The following DPP6 variants were observed in gnomAD, a reference collection of about 807,000 sequenced individuals.
DPP6 encodes dipeptidyl peptidase like 6.
A neutral mutation model predicts 122.6 loss-of-function variants in DPP6; 69 were observed. The ratio of observed to expected loss-of-function variants is 0.56; its 90% CI spans 0.46 to 0.69. The LOEUF (loss-of-function observed/expected upper bound fraction) is 0.69. Among genes scored for constraint, DPP6 ranks in the 30% least tolerant of loss-of-function variants. The pLI is 0.00. For synonymous variants in DPP6, 418 were observed against 433.1 expected, an observed-to-expected ratio of 0.97 and a Z score of 0.43; for missense variants, 928 against 1,116.9, an observed-to-expected ratio of 0.83 and a Z score of 2.41.
chr7:153,847,307 A>T, the DPP6 span, among the ~76,000 whole-genome samples: 1 of 152,172 alleles, frequency 6.6e-6, no homozygotes. Flanking sequence ...TCACTCACTT[A>T]TGGCTATTTT....
intron 3 of DPP6, among the ~76,000 whole-genome samples, chr7:154,514,108 T>C (rs529275102): frequency 6.6e-6 from 1 of 152,182 alleles, no homozygotes; most frequent in East Asian, 1.9e-4. Context: ...ACCCTGTCTC[T>C]ACTAAAATTC....
chr7:154,878,653 C>T (rs3807290), intron 20 of DPP6, among the ~76,000 whole-genome samples: 26,700 of 152,184 alleles, frequency 0.18, 2,733 homozygotes, highest in East Asian at 0.54. Flanking sequence ...GAGGAGCCCA[C>T]AGGCCAGCCT....
chr7:154,563,466 C>T (rs1830554308), intron 4 of DPP6, among the ~76,000 whole-genome samples: 1 of 152,182 alleles, frequency 6.6e-6, no homozygotes, highest in African/African-American at 2.4e-5. Context: ...CCCTGGCCGC[C>T]TGGGAAAGCA....
chr7:154,885,852 C>T (rs1462217040), intron 22 of DPP6, 108 bp downstream of exon 22: 6 of 1,429,670 alleles, frequency 4.2e-6, no homozygotes, highest in Non-Finnish European at 5.7e-6. Context: ...CCGCTAACCA[C>T]AGGTGCCTCC....
intron 5 of DPP6, among the ~76,000 whole-genome samples, chr7:154,579,701 C>T (rs1412039527): frequency 6.6e-6 from 1 of 152,136 alleles, no homozygotes; most frequent in Non-Finnish European, 1.5e-5. Flanking sequence ...GCAGGAGTGA[C>T]AGAGAGGAAC....
At chr7:154,061,543 A>G (rs375751671) in intron 1 of DPP6, among the ~76,000 whole-genome samples, 3,038 of 146,190 alleles carry the variant, frequency 0.021, 1 homozygote, top group African/African-American at 0.048. Context: ...CAAAACCTGA[A>G]CATAAAGGCC....
intron 12 of DPP6, among the ~76,000 whole-genome samples, chr7:154,799,220 T>G (rs1204874962): frequency 6.6e-6 from 1 of 152,118 alleles, no homozygotes; most frequent in Non-Finnish European, 1.5e-5. Flanking sequence ...GAGCCGTTCA[T>G]CCTCCTCTCT....
At position 154,618,855 on chromosome 7, in the gene DPP6, A is replaced by C. The variant is rs1265348242; in HGVS notation, c.628-18966A>C. 1.3e-5 allele frequency among the ~76,000 whole-genome samples: 2 copies of C among 152,198 alleles called. No individual in the cohort carries two copies. Among genetic ancestry groups the C allele is most frequent in the African/African-American group, 4.8e-5 (2 of 41,436 alleles). ...GACTTGCCCAGAGTTACACACTGAT[A>C]TGGTTTAGCTGTGTCCCCACCCAAA... On this transcript the variant is annotated intron_variant, in intron 5 of 25. Transcript: ENST00000377770. The surrounding 1 kb of genome is among the most constrained non-coding windows in gnomAD (Gnocchi z 4.1).
chr7:153,868,800 T>G, the DPP6 span, among the ~76,000 whole-genome samples: 4 of 152,200 alleles, frequency 2.6e-5, no homozygotes, highest in Admixed American at 6.5e-5. Flanking sequence ...GTGCTATAAA[T>G]TTCCCTCTAC....
the DPP6 span, among the ~76,000 whole-genome samples, chr7:153,854,284 C>T: frequency 2.0e-5 from 3 of 152,014 alleles, no homozygotes; most frequent in African/African-American, 7.3e-5. Flanking sequence ...TAGTGTGATG[C>T]CTCCAGCTTT....
chr7:154,693,276 C>T (rs3807246), intron 7 of DPP6, among the ~76,000 whole-genome samples: 2 of 152,112 alleles, frequency 1.3e-5, no homozygotes, highest in African/African-American at 2.4e-5. Flanking sequence ...CTGACGTGGC[C>T]GAGAAGGAAG....
chr7:154,403,700 G>A lies in DPP6; in HGVS notation c.244-42514G>A, dbSNP rs146142675. 3.3e-4 allele frequency among the ~76,000 whole-genome samples: 50 copies of A among 152,352 alleles called. No individual in the cohort carries two copies. In the East Asian group the frequency reaches 8.3e-3, roughly 25 times the overall value. On this transcript the variant is annotated intron_variant, in intron 1 of 25. Transcript: ENST00000377770. This position sits in a 1 kb window ranked among gnomAD's most constrained non-coding sequence, Gnocchi z 4.1. ...AGGGAGGCAGCAATCTGCAGGTTGC[G>A]TTCATGCCGTGACAGTCCATTCAGG...
chr7:153,963,022 A>G (rs555122647), intron 1 of DPP6, among the ~76,000 whole-genome samples: 1 of 152,120 alleles, frequency 6.6e-6, no homozygotes, highest in Non-Finnish European at 1.5e-5. Context: ...CTGTTCCTTC[A>G]TTTGTATTCT....
chr7:153,933,707 A>T (rs1252378369), intron 1 of DPP6, among the ~76,000 whole-genome samples: 1 of 151,340 alleles, frequency 6.6e-6, no homozygotes, highest in African/African-American at 2.4e-5. Context: ...TCTCTCTCTC[A>T]CACACACACA....
In DPP6 at chr7:154,821,010, T is replaced by A. The variant is rs1202232983; in HGVS notation, c.1666+13898T>A. 6.6e-6 allele frequency among the ~76,000 whole-genome samples: 1 copy of A among 152,226 alleles called. No individual in the cohort carries two copies. Among genetic ancestry groups the A allele is most frequent in the Admixed American group, 6.5e-5 (1 of 15,282 alleles). The stretch of plus-strand genomic sequence containing the variant: ...CCCCATGAAACGTGTTCTTCATGTT[T>A]ACTGAAAGCATATTCTTAAGGCCGG... On this transcript the variant is annotated intron_variant, in intron 16 of 25. Coordinates refer to ENST00000377770, the MANE Select transcript of DPP6 (RefSeq NM_130797.4). The surrounding 1 kb of genome is among the most constrained non-coding windows in gnomAD (Gnocchi z 4.2).
chr7:154,464,189 T>C (rs1436125523), intron 2 of DPP6, among the ~76,000 whole-genome samples: 4 of 152,172 alleles, frequency 2.6e-5, no homozygotes, highest in Non-Finnish European at 5.9e-5. Flanking sequence ...GCTCCGTCCG[T>C]GGGAATTGAC....
chr7:154,368,680 C>T (rs1812386373), intron 1 of DPP6, among the ~76,000 whole-genome samples: 1 of 152,154 alleles, frequency 6.6e-6, no homozygotes, highest in South Asian at 2.1e-4. Context: ...TCCTAGAAAA[C>T]GTAGCATTCC....
intron 3 of DPP6, among the ~76,000 whole-genome samples, chr7:154,498,283 T>C (rs1275662569): frequency 6.6e-6 from 1 of 152,216 alleles, no homozygotes; most frequent in Non-Finnish European, 1.5e-5. Context: ...GTTAACCAAA[T>C]ACGCAATGAA....
chr7:153,918,052 A>T (rs929395166), intron 1 of DPP6, among the ~76,000 whole-genome samples: 1 of 152,204 alleles, frequency 6.6e-6, no homozygotes, highest in Non-Finnish European at 1.5e-5. Flanking sequence ...AACAAATAAG[A>T]ACATGCTATA....
Sources: allele counts gnomAD v4.1 joint callset (sites outside exome capture counted in the v4.1 genomes callset), GRCh38; gene constraint gnomAD v4.1.1; non-coding constraint Gnocchi (gnomAD v3.1); transcripts MANE v1.5; gene names NCBI Gene and HGNC (gene_info 2026-07-23, HGNC 2026-07-21).